THSD4: variants seen among roughly 807,000 people sequenced by gnomAD.
THSD4 encodes the protein thrombospondin type-1 domain-containing protein 4.
Under a neutral mutation model 119.0 loss-of-function variants are expected in THSD4, and 69 were observed. That is an observed-to-expected ratio of 0.58 (90% CI 0.48 to 0.71). THSD4 has a LOEUF of 0.71. THSD4 is among the 30% of genes least tolerant of loss of function. The pLI, the probability that THSD4 is intolerant of heterozygous loss-of-function variation, is 0.00. For synonymous variants in THSD4, 524 were observed against 540.4 expected (o/e 0.97, Z 0.42); for missense variants, 1,393 against 1,391.1 (o/e 1.00, Z -0.02).
intron 7 of THSD4, among the ~76,000 whole-genome samples, chr15:71,428,685 T>A (rs1017331921): frequency 6.6e-6 from 1 of 152,212 alleles, no homozygotes; most frequent in African/African-American, 2.4e-5. Flanking sequence ...ATGAAAACAC[T>A]TGAATTCTTT....
At chr15:71,531,509 T>C (rs939036131) in intron 7 of THSD4, among the ~76,000 whole-genome samples, 2 of 152,214 alleles carry the variant, frequency 1.3e-5, no homozygotes, top group Non-Finnish European at 2.9e-5. Context: ...TTCTACTGCA[T>C]TGTGGTTAAG....
chr15:71,399,092 C>T (rs984318), intron 6 of THSD4, among the ~76,000 whole-genome samples: 105,173 of 151,164 alleles, frequency 0.7, 37,598 homozygotes, highest in East Asian at 0.83. Context: ...GGAAGCTCTG[C>T]TTGGAGTATC....
At chr15:71,374,429 A>G (rs1281236993) in intron 6 of THSD4, among the ~76,000 whole-genome samples, 2 of 152,242 alleles carry the variant, frequency 1.3e-5, no homozygotes, top group African/African-American at 2.4e-5. Context: ...AAAGTGGCAC[A>G]TGAGCTAACC....
At chr15:71,736,401 C>T (rs1052847557) in intron 10 of THSD4, among the ~76,000 whole-genome samples, 2 of 149,490 alleles carry the variant, frequency 1.3e-5, no homozygotes, top group East Asian at 4.2e-4. Context: ...GTCTCTCTCG[C>T]TCTCTGACTG....
chr15:71,269,317 T>A (rs150211309), intron 6 of THSD4, among the ~76,000 whole-genome samples: 1,668 of 152,194 alleles, frequency 0.011, 13 homozygotes, highest in Non-Finnish European at 0.017. Flanking sequence ...ATAAACGTAC[T>A]CCATCACATA....
intron 7 of THSD4, among the ~76,000 whole-genome samples, chr15:71,473,525 T>G (rs540960623): frequency 6.4e-4 from 98 of 152,102 alleles, no homozygotes; most frequent in Non-Finnish European, 1.3e-3. Flanking sequence ...TAAATGACTG[T>G]TCACCATAGT....
chr15:71,270,169 C>G (rs2044511891), intron 6 of THSD4, among the ~76,000 whole-genome samples: 1 of 152,154 alleles, frequency 6.6e-6, no homozygotes, highest in African/African-American at 2.4e-5. Flanking sequence ...AAGAACAAAG[C>G]TGGAGGCATC....
chr15:71,213,411 G>A (rs561746413), intron 3 of THSD4, among the ~76,000 whole-genome samples: 1 of 152,270 alleles, frequency 6.6e-6, no homozygotes, highest in East Asian at 1.9e-4. Context: ...TGTGACTCCC[G>A]TTTCCTCTTC....
chr15:71,341,087 A>G lies in THSD4; in HGVS notation c.1016-70600A>G, dbSNP rs1477619217. 57 of 1,075,276 alleles carry G rather than the reference A, an allele frequency of 5.3e-5. No individual in the cohort carries two copies. The East Asian group carries it at 7.1e-4, about 13-fold the overall frequency. 66.6% of individuals were successfully genotyped at this position (1,075,276 alleles called of 1,614,324 possible). A position where few individuals can be genotyped will look rare whatever the true frequency, so the allele number is the denominator to read the frequency against. On this transcript the variant is annotated intron_variant, in intron 6 of 17. Coordinates refer to ENST00000261862, the MANE Select transcript of THSD4 (RefSeq NM_024817.3). ...TTTGTTGCCTTGCCTTTTCTTTTCTATTGTCTCTTCTGTCTTCCCTCTCTC... is the reference window on the plus strand; with the variant it reads ...TTTGTTGCCTTGCCTTTTCTTTTCTGTTGTCTCTTCTGTCTTCCCTCTCTC...
intron 9 of THSD4, 139 bp downstream of exon 9, chr15:71,728,863 C>T (rs2052918134): frequency 1.8e-6 from 2 of 1,098,658 alleles, no homozygotes; most frequent in African/African-American, 3.1e-5. Flanking sequence ...GGAGGCACTC[C>T]TTGAATGCTT....
At chr15:71,527,591 T>TAC (rs1236497417) in intron 7 of THSD4, among the ~76,000 whole-genome samples, 2 of 151,962 alleles carry the variant, frequency 1.3e-5, no homozygotes, top group African/African-American at 4.8e-5. Flanking sequence ...CTGACACACA[T>TAC]ACACACACAC....
chr15:71,236,334 G>A (rs1380621156), intron 4 of THSD4, among the ~76,000 whole-genome samples: 1 of 152,236 alleles, frequency 6.6e-6, no homozygotes, highest in East Asian at 1.9e-4. Flanking sequence ...TGGCTTTCCA[G>A]CTCTGACAGC....
chr15:71,294,566 G>T (rs2044837046), intron 6 of THSD4, among the ~76,000 whole-genome samples: 2 of 152,122 alleles, frequency 1.3e-5, no homozygotes, highest in Admixed American at 1.3e-4. Flanking sequence ...GACACAGGCT[G>T]CATGTCTCTG....
intron 7 of THSD4, among the ~76,000 whole-genome samples, chr15:71,435,357 T>G (rs765556271): frequency 5.3e-5 from 8 of 152,320 alleles, no homozygotes; most frequent in Admixed American, 1.3e-4. Flanking sequence ...AACATTGTTT[T>G]AGATCTGATT....
intron 7 of THSD4, among the ~76,000 whole-genome samples, chr15:71,450,727 T>G (rs1436468872): frequency 6.6e-6 from 1 of 152,140 alleles, no homozygotes; most frequent in African/African-American, 2.4e-5. Flanking sequence ...TCTAGGTTCC[T>G]TGGCTGGGCT....
intron 7 of THSD4, among the ~76,000 whole-genome samples, chr15:71,556,193 C>G (rs1026576772): frequency 8.6e-5 from 13 of 152,022 alleles, no homozygotes; most frequent in East Asian, 1.9e-4. Flanking sequence ...GAATTTTTAT[C>G]AGTATTGTAT....
chr15:71,365,795 C>T (rs1034787735), intron 6 of THSD4, among the ~76,000 whole-genome samples: 3 of 152,088 alleles, frequency 2.0e-5, no homozygotes, highest in Non-Finnish European at 4.4e-5. Context: ...TTTCACTGTT[C>T]TTGGTTGAAA....
chr15:71,239,781 C>A (rs1374792107), intron 4 of THSD4, among the ~76,000 whole-genome samples: 2 of 152,152 alleles, frequency 1.3e-5, no homozygotes, highest in African/African-American at 2.4e-5. Context: ...TCCGTGGAGG[C>A]CCCCCTGCAA....
chr15:71,466,067 A>G (rs2047494620), intron 7 of THSD4, among the ~76,000 whole-genome samples: 1 of 152,096 alleles, frequency 6.6e-6, no homozygotes, highest in Admixed American at 6.5e-5. Context: ...AGAGAAATAG[A>G]GGCCGGGCGC....
Sources: allele counts gnomAD v4.1 joint callset (sites outside exome capture counted in the v4.1 genomes callset), GRCh38; gene constraint gnomAD v4.1.1; transcripts MANE v1.5; gene names NCBI Gene and HGNC (gene_info 2026-07-23, HGNC 2026-07-21).